CRYBG1: variants seen among roughly 807,000 people sequenced by gnomAD.
CRYBG1 encodes crystallin beta-gamma domain containing 1.
Under a neutral mutation model 189.2 loss-of-function variants are expected in CRYBG1, and 139 were observed. The ratio of observed to expected loss-of-function variants is 0.73; its 90% CI spans 0.64 to 0.85. The LOEUF is 0.85. CRYBG1 is among the 40% of genes least tolerant of loss of function. CRYBG1 has a pLI of 0.00. For missense variants in CRYBG1, 2,611 were observed against 2,675.8 expected (o/e 0.98, Z 0.53); for synonymous variants, 1,023 against 1,017.1 (o/e 1.01, Z -0.11).
intron 1 of CRYBG1, among the ~76,000 whole-genome samples, chr6:106,376,365 A>G (rs938969758): frequency 2.6e-5 from 4 of 151,852 alleles, no homozygotes; most frequent in African/African-American, 7.3e-5. Context: ...GATATTCTCT[A>G]TTTGTTTTTC....
intron 1 of CRYBG1, among the ~76,000 whole-genome samples, chr6:106,432,745 C>A (rs1017876453): frequency 1.3e-5 from 2 of 152,210 alleles, no homozygotes; most frequent in Non-Finnish European, 2.9e-5. Flanking sequence ...GCCTTTGAGG[C>A]CCCTCCATTA....
chr6:106,390,279 A>T (rs571011344), intron 1 of CRYBG1, among the ~76,000 whole-genome samples: 1 of 152,282 alleles, frequency 6.6e-6, no homozygotes, highest in African/African-American at 2.4e-5. Context: ...GTACCAAAGC[A>T]GGAAATAGGA....
chr6:106,521,002 C>T lies in CRYBG1; in HGVS notation c.3794C>T (p.Thr1265Ile), dbSNP rs780923769. The change falls in exon 4 of 22, where the codon ACT (threonine) becomes ATT (isoleucine). Residue 1265 changes from threonine (T) to isoleucine (I), a missense_variant. By Grantham distance (89) the Thr-to-Ile change is moderately conservative (BLOSUM62 -1). Transcript: ENST00000633556. ...TCTCCTTCTGTGACATCAGTCAACA[C>T]TATGACCACGGCTTTCAGTACTTCT... is the stretch of plus-strand genomic sequence containing the variant. ...IFSPSVTSVN[T>I]MTTAFSTSQN... 2 of 1,614,186 alleles carry T rather than the reference C, an allele frequency of 1.2e-6. No individual in the cohort carries two copies. The highest frequency in any genetic ancestry group is 1.1e-5 in the South Asian group (1 of 91,088).
chr6:106,397,130 A>T (rs1337367963), intron 1 of CRYBG1, among the ~76,000 whole-genome samples: 1 of 152,240 alleles, frequency 6.6e-6, no homozygotes, highest in Non-Finnish European at 1.5e-5. Context: ...AAGCTTTACT[A>T]ACGTGTAATT....
chr6:106,421,638 T>C (rs556789632), intron 1 of CRYBG1, among the ~76,000 whole-genome samples: 2 of 152,302 alleles, frequency 1.3e-5, no homozygotes, highest in African/African-American at 4.8e-5. Flanking sequence ...AGTCTTGTCC[T>C]GTTAATCTAT....
chr6:106,484,526 C>T (rs1772554536), intron 2 of CRYBG1, among the ~76,000 whole-genome samples: 1 of 151,512 alleles, frequency 6.6e-6, no homozygotes, highest in Middle Eastern at 3.4e-3. Context: ...TGCCATGTTG[C>T]CCAGGCTGGT....
rs781262872 is a variant in CRYBG1 at position 106,551,912 on chromosome 6, T to G, written c.5373T>G (p.Phe1791Leu). 2.5e-6 allele frequency: 4 copies of G among 1,611,550 alleles called. No individual in the cohort carries two copies. Among genetic ancestry groups the G allele is most frequent in the Non-Finnish European group, 3.4e-6 (4 of 1,177,990 alleles). Residue 1791 changes from phenylalanine to leucine, a missense_variant, in exon 14 of 22, where the codon TTT (phenylalanine) becomes TTG (leucine). Coordinates refer to ENST00000633556, the MANE Select transcript of CRYBG1 (RefSeq NM_001371242.2). The part of the protein sequence containing the change: ...TGEQYILDKG[F>L]YTSFEDWGGK... ...AACAGTATATACTGGATAAAGGATT[T>G]TATACCAGTTTTGAGGACTGGGGAG... is the stretch of plus-strand genomic sequence containing the variant.
chr6:106,543,277 A>G lies in CRYBG1; in HGVS notation c.4882-163A>G, dbSNP rs910204070. Among the ~76,000 whole-genome samples, 4 of 152,146 alleles carry G rather than the reference A, an allele frequency of 2.6e-5. No individual in the cohort carries two copies. In the East Asian group the frequency reaches 7.7e-4, roughly 29 times the overall value. ...ACTCCTGACCTCAAGTGATCCACCT[A>G]CCTCAGCCTCGCAAAGTGCTGGGAT... On this transcript the variant is annotated intron_variant, in intron 10 of 21. Coordinates refer to ENST00000633556, the MANE Select transcript of CRYBG1 (RefSeq NM_001371242.2).
At chr6:106,366,327 G>A (rs894721101) in intron 1 of CRYBG1, among the ~76,000 whole-genome samples, 9 of 152,154 alleles carry the variant, frequency 5.9e-5, no homozygotes, top group Non-Finnish European at 2.9e-5. Flanking sequence ...CTAAAGGAAA[G>A]AGTTTTAATT....
At chr6:106,416,219 T>C (rs2114380394) in intron 1 of CRYBG1, among the ~76,000 whole-genome samples, 1 of 152,316 alleles carries the variant, frequency 6.6e-6, no homozygotes, top group South Asian at 2.1e-4. Flanking sequence ...CCACTCCCAC[T>C]GTGGACCCAC....
chr6:106,539,338 A>G (rs1037806294), intron 8 of CRYBG1, 65 bp from the exon 9 acceptor site: 1 of 1,585,050 alleles, frequency 6.3e-7, no homozygotes, highest in African/African-American at 1.4e-5. Context: ...GGTACCAGAC[A>G]GAAGGAAAAA....
chr6:106,385,976 T>TAAAAC (rs1364275866), intron 1 of CRYBG1, among the ~76,000 whole-genome samples: 2 of 152,134 alleles, frequency 1.3e-5, no homozygotes, highest in Admixed American at 1.3e-4. Context: ...GTGTTCACAT[T>TAAAAC]AAAACAAAAC....
In CRYBG1 at chr6:106,451,895, T is replaced by G; in HGVS notation, c.312+63T>G. On this transcript the variant is annotated intron_variant, in intron 2 of 21. Transcript: ENST00000633556. Reference sequence around the variant, plus strand: ...AACCCTTTAAAGAGCTAAAGCACTGTAAGATAGCCTGTCTAAGAAACACAT... The same window carrying G: ...AACCCTTTAAAGAGCTAAAGCACTGGAAGATAGCCTGTCTAAGAAACACAT... 2 of 1,396,012 alleles carry G rather than the reference T, an allele frequency of 1.4e-6. 1 individual carries two copies. The allele number at this position is 1,396,012 out of a possible 1,614,324, so 86.5% of individuals were successfully genotyped here.
intron 2 of CRYBG1, among the ~76,000 whole-genome samples, chr6:106,470,815 A>G (rs929780226): frequency 2.6e-5 from 4 of 152,182 alleles, no homozygotes; most frequent in Admixed American, 2.6e-4. Flanking sequence ...CTGTACAGTC[A>G]TTAATTACAT....
intron 7 of CRYBG1, among the ~76,000 whole-genome samples, chr6:106,527,804 A>G (rs550962749): frequency 6.6e-6 from 1 of 152,100 alleles, no homozygotes; most frequent in Non-Finnish European, 1.5e-5. Context: ...TGTTTGCTGT[A>G]TGAGTTCTGA....
intron 1 of CRYBG1, among the ~76,000 whole-genome samples, chr6:106,397,880 CT>C (rs776489269): frequency 1.3e-4 from 20 of 152,150 alleles, no homozygotes; most frequent in Non-Finnish European, 2.4e-4. Flanking sequence ...GGAATTTGAG[CT>C]GCAGTATCTC....
chr6:106,559,797 TAAAA>T (rs201366640), intron 18 of CRYBG1, among the ~76,000 whole-genome samples: 1 of 147,812 alleles, frequency 6.8e-6, no homozygotes. Flanking sequence ...AAAAAGAAAA[TAAAA>T]AAAATCACAG....
chr6:106,416,230 G>A (rs748783424), intron 1 of CRYBG1, among the ~76,000 whole-genome samples: 3 of 152,196 alleles, frequency 2.0e-5, no homozygotes, highest in South Asian at 4.1e-4. Context: ...GTGGACCCAC[G>A]GAGTTCCAGG....
chr6:106,493,505 T>C (rs185725567), intron 2 of CRYBG1, among the ~76,000 whole-genome samples: 6 of 152,278 alleles, frequency 3.9e-5, no homozygotes, highest in Admixed American at 2.0e-4. Context: ...TCCAAAAGCA[T>C]TGAGAGCAGG....
Sources: gnomAD v4.1 joint callset for allele counts (sites outside exome capture counted in the v4.1 genomes callset) on GRCh38, gnomAD v4.1.1 for gene constraint, MANE v1.5 for transcripts, NCBI Gene and HGNC (gene_info 2026-07-23, HGNC 2026-07-21) for gene names.